TENM3: variants seen among roughly 807,000 people sequenced by gnomAD.
The protein encoded by TENM3 is teneurin transmembrane protein 3, also known as teneurin-3.
TENM3 carries 63 observed loss-of-function variants against 255.1 expected under a neutral mutation model. That is an observed-to-expected ratio of 0.25 (90% confidence interval 0.20 to 0.30). The LOEUF (loss-of-function observed/expected upper bound fraction) is 0.30, where lower values mean the gene tolerates loss of function less well. Among genes scored for constraint, TENM3 ranks in the 10% least tolerant of loss-of-function variants. The pLI is 1.00. For missense variants in TENM3, 2,929 were observed against 3,461.1 expected, an observed-to-expected ratio of 0.85 and a Z score of 3.86; for synonymous variants, 1,306 against 1,322.3, an observed-to-expected ratio of 0.99 and a Z score of 0.27.
chr4:182,790,273 A>ACT (rs34316269), intron 25 of TENM3, among the ~76,000 whole-genome samples: 19,588 of 152,106 alleles, frequency 0.13, 1,353 homozygotes, highest in Admixed American at 0.17. Flanking sequence ...CGTGCTACAC[A>ACT]CTACTCGGCA....
the TENM3 span, among the ~76,000 whole-genome samples, chr4:182,013,896 C>T: frequency 5.3e-3 from 793 of 148,686 alleles, 6 homozygotes; most frequent in Non-Finnish European, 9.0e-3. Context: ...TTATAAAGTA[C>T]TACAGTATAA....
chr4:181,797,819 G>A, the TENM3 span, among the ~76,000 whole-genome samples: 2 of 152,206 alleles, frequency 1.3e-5, no homozygotes, highest in African/African-American at 2.4e-5. Context: ...CCTTAACGTC[G>A]CCTTGACAAT....
At chr4:182,571,899 T>A (rs1446406371) in intron 3 of TENM3, among the ~76,000 whole-genome samples, 3 of 152,016 alleles carry the variant, frequency 2.0e-5, no homozygotes, top group African/African-American at 7.2e-5. Context: ...TAAAACTGTT[T>A]ATTGTTGTTG....
chr4:182,549,626 G>T (rs1741809925), intron 3 of TENM3, among the ~76,000 whole-genome samples: 1 of 152,104 alleles, frequency 6.6e-6, no homozygotes, highest in South Asian at 2.1e-4. Flanking sequence ...TTTCACTGAG[G>T]AGCCTGCTTT....
intron 1 of TENM3, among the ~76,000 whole-genome samples, chr4:182,273,203 T>A (rs1759759757): frequency 6.6e-6 from 1 of 152,218 alleles, no homozygotes. Flanking sequence ...GCCCTCTCAG[T>A]CGATCCCCCG....
intron 3 of TENM3, among the ~76,000 whole-genome samples, chr4:182,487,554 T>C (rs934805782): frequency 6.6e-6 from 1 of 152,114 alleles, no homozygotes; most frequent in Admixed American, 6.5e-5. Flanking sequence ...ATAATTTTGA[T>C]GGGCCAGTGC....
the TENM3 span, among the ~76,000 whole-genome samples, chr4:182,119,557 G>A: frequency 2.0e-5 from 3 of 152,060 alleles, no homozygotes; most frequent in South Asian, 2.1e-4. Flanking sequence ...CCAAATTTGG[G>A]GGCAGCAGCT....
At chr4:182,521,937 T>C (rs988128132) in intron 3 of TENM3, among the ~76,000 whole-genome samples, 2 of 152,334 alleles carry the variant, frequency 1.3e-5, no homozygotes, top group South Asian at 2.1e-4. Context: ...ATAGTCTTTA[T>C]TGACTCTAGA....
At chr4:181,594,680 C>T in the TENM3 span, among the ~76,000 whole-genome samples, 1 of 126,972 alleles carries the variant, frequency 7.9e-6, no homozygotes, top group Non-Finnish European at 1.9e-5. Context: ...CTGAAGATTC[C>T]CAAATCCTTT....
chr4:181,841,102 A>C, the TENM3 span, among the ~76,000 whole-genome samples: 1 of 152,114 alleles, frequency 6.6e-6, no homozygotes, highest in Non-Finnish European at 1.5e-5. Flanking sequence ...TTGGAATAAA[A>C]TATTCTTATG....
At chr4:182,088,507 T>C in the TENM3 span, among the ~76,000 whole-genome samples, 1 of 152,158 alleles carries the variant, frequency 6.6e-6, no homozygotes, top group African/African-American at 2.4e-5. Flanking sequence ...TCTGTACAAA[T>C]GTATTTCAAT....
At chr4:181,480,283 A>G in the TENM3 span, among the ~76,000 whole-genome samples, 7 of 152,172 alleles carry the variant, frequency 4.6e-5, no homozygotes, top group Non-Finnish European at 7.4e-5. Flanking sequence ...GCAGAAGGTC[A>G]CCAAAGTTAT....
At chr4:182,634,974 T>C (rs551455584) in intron 5 of TENM3, among the ~76,000 whole-genome samples, 11 of 152,162 alleles carry the variant, frequency 7.2e-5, no homozygotes, top group Non-Finnish European at 1.3e-4. Flanking sequence ...TCATAATAAA[T>C]GCTTGGGATG....
At chr4:181,827,188 A>C in the TENM3 span, among the ~76,000 whole-genome samples, 1 of 152,196 alleles carries the variant, frequency 6.6e-6, no homozygotes, top group African/African-American at 2.4e-5. Context: ...TGTGTCTGTT[A>C]GCGCTAATTG....
At chr4:182,103,020 ACT>A in the TENM3 span, among the ~76,000 whole-genome samples, 3 of 152,128 alleles carry the variant, frequency 2.0e-5, no homozygotes, top group Admixed American at 6.5e-5. Flanking sequence ...AAAAGTTAAG[ACT>A]CTGTTTATTC....
At chr4:181,753,738 A>T in the TENM3 span, among the ~76,000 whole-genome samples, 1 of 152,188 alleles carries the variant, frequency 6.6e-6, no homozygotes, top group Non-Finnish European at 1.5e-5. Flanking sequence ...CCCAAAAGAA[A>T]TGTTTTAGGT....
At chr4:181,932,202 A>G in the TENM3 span, among the ~76,000 whole-genome samples, 1 of 152,236 alleles carries the variant, frequency 6.6e-6, no homozygotes, top group Admixed American at 6.5e-5. Flanking sequence ...TCTGCACAGC[A>G]AAAGAAACTA....
intron 24 of TENM3, among the ~76,000 whole-genome samples, chr4:182,780,953 T>A (rs1765116062): frequency 6.6e-6 from 1 of 151,524 alleles, no homozygotes; most frequent in East Asian, 1.9e-4. Context: ...AAGGAGATTT[T>A]GGGCTGAGAC....
intron 1 of TENM3, among the ~76,000 whole-genome samples, chr4:182,269,557 G>C (rs1759476324): frequency 6.6e-6 from 1 of 151,886 alleles, no homozygotes; most frequent in Non-Finnish European, 1.5e-5. Flanking sequence ...CCCCTTTATA[G>C]ATCTAAAAAT....
Sources: gnomAD v4.1 joint callset for allele counts (sites outside exome capture counted in the v4.1 genomes callset) on GRCh38, gnomAD v4.1.1 for gene constraint, MANE v1.5 for transcripts, NCBI Gene and HGNC (gene_info 2026-07-23, HGNC 2026-07-21) for gene names.